Variants in MTHFD2L observed in about 807,000 individuals in gnomAD.
The protein encoded by MTHFD2L is methylenetetrahydrofolate dehydrogenase (NADP+ dependent) 2 like.
Under a neutral mutation model 34.9 loss-of-function variants are expected in MTHFD2L, and 29 were observed. The ratio of observed to expected loss-of-function variants is 0.83; its 90% CI spans 0.62 to 1.13. MTHFD2L has a LOEUF of 1.13. Ranked by LOEUF, MTHFD2L falls within the 50% of genes most tolerant of loss-of-function variation. The pLI is 0.00. For missense variants in MTHFD2L, 481 were observed against 446.5 expected (o/e 1.08, Z -0.70); for synonymous variants, 167 against 155.7 (o/e 1.07, Z -0.54).
chr4:74,187,733 TACACACACACACACACACACAC>T (rs35175417), intron 3 of MTHFD2L, among the ~76,000 whole-genome samples: 1 of 134,224 alleles, frequency 7.5e-6, no homozygotes, highest in Non-Finnish European at 1.6e-5. Context: ...AAACGTTAAA[TACACACACACACACACACACAC>T]ACACACACAC....
intron 1 of MTHFD2L, among the ~76,000 whole-genome samples, chr4:74,135,107 C>A (rs1427088809): frequency 6.6e-6 from 1 of 151,890 alleles, no homozygotes; most frequent in Non-Finnish European, 1.5e-5. Flanking sequence ...TATTCAGGTA[C>A]AGGAAGGCCT....
At chr4:74,178,240 A>C (rs989026288) in intron 3 of MTHFD2L, among the ~76,000 whole-genome samples, 1 of 152,076 alleles carries the variant, frequency 6.6e-6, no homozygotes, top group African/African-American at 2.4e-5. Flanking sequence ...TAGATTTTAA[A>C]TGTTCTCACC....
chr4:74,139,248 C>T (rs1311944115), intron 1 of MTHFD2L, among the ~76,000 whole-genome samples: 1 of 152,088 alleles, frequency 6.6e-6, no homozygotes, highest in Non-Finnish European at 1.5e-5. Context: ...TGGGAAGGTC[C>T]CAAAGGTGAT....
At chr4:74,204,240 A>G (rs1734934853) in intron 5 of MTHFD2L, among the ~76,000 whole-genome samples, 1 of 150,482 alleles carries the variant, frequency 6.6e-6, no homozygotes, top group South Asian at 2.1e-4. Context: ...CCTCATCTCT[A>G]AAATGACAAT....
chr4:74,149,773 G>T (rs908975476), intron 1 of MTHFD2L, among the ~76,000 whole-genome samples: 1 of 152,146 alleles, frequency 6.6e-6, no homozygotes, highest in East Asian at 1.9e-4. Context: ...ATTTGCAAGG[G>T]TGTTATGTGT....
chr4:74,161,425 C>T (rs1725437831), intron 1 of MTHFD2L: 1 of 152,158 alleles, frequency 6.6e-6, no homozygotes, highest in South Asian at 2.1e-4. Context: ...GGTAGTGTTC[C>T]TACCTTCCTG....
intron 6 of MTHFD2L, among the ~76,000 whole-genome samples, chr4:74,271,844 A>C (rs930862484): frequency 6.6e-6 from 1 of 151,864 alleles, no homozygotes; most frequent in African/African-American, 2.4e-5. Context: ...CTTTTATTTC[A>C]TTGAGCAGTG....
intron 6 of MTHFD2L, among the ~76,000 whole-genome samples, chr4:74,238,937 A>G (rs541071400): frequency 1.9e-4 from 29 of 152,332 alleles, no homozygotes; most frequent in African/African-American, 7.0e-4. Context: ...TGGTTCCTCA[A>G]GGATCTAGAA....
upstream of MTHFD2L, among the ~76,000 whole-genome samples, chr4:74,119,303 C>T (rs1278534557): frequency 6.6e-6 from 1 of 152,178 alleles, no homozygotes; most frequent in Non-Finnish European, 1.5e-5. Flanking sequence ...TTATTTGTCA[C>T]TTCCATCCGC....
rs191529765 is a variant in MTHFD2L at position 74,284,956 on chromosome 4, T to A, written c.931+3406T>A. On this transcript the variant is annotated intron_variant, in intron 7 of 7. Coordinates refer to ENST00000325278, the MANE Select transcript of MTHFD2L (RefSeq NM_001144978.3). Reference sequence around the variant, plus strand: ...GAACCAACCCAAATGTCCATCAATGTTAGACTGGATTAAGAAAATGTGGCA... The same window carrying A: ...GAACCAACCCAAATGTCCATCAATGATAGACTGGATTAAGAAAATGTGGCA... Among the ~76,000 whole-genome samples the A allele has an allele frequency of 4.3e-4, 66 of 152,134 alleles. No individual in the cohort carries two copies. The East Asian group carries it at 8.1e-3, about 19-fold the overall frequency.
At chr4:74,263,574 A>G (rs1246674800) in intron 6 of MTHFD2L, among the ~76,000 whole-genome samples, 2 of 151,612 alleles carry the variant, frequency 1.3e-5, no homozygotes, top group Admixed American at 1.3e-4. Context: ...GAGGTATTAT[A>G]TTTTACTCTT....
chr4:74,198,024 G>T lies in MTHFD2L; in HGVS notation c.452-1770G>T, dbSNP rs188955149. Reference sequence around the variant, plus strand: ...GGAGCTCTTTTCCTTTTAGATTCAGGTTTTATGAATCTGCTATACATTTTG... The same window carrying T: ...GGAGCTCTTTTCCTTTTAGATTCAGTTTTTATGAATCTGCTATACATTTTG... On this transcript the variant is annotated intron_variant, in intron 3 of 7. Transcript: ENST00000325278. Among the ~76,000 whole-genome samples the T allele has an allele frequency of 1.1e-4, 16 of 152,082 alleles. No homozygotes were observed. In the East Asian group the frequency reaches 2.9e-3, roughly 28 times the overall value.
chr4:74,282,387 CTTTG>C, intron 7 of MTHFD2L, among the ~76,000 whole-genome samples: 1 of 146,500 alleles, frequency 6.8e-6, no homozygotes, highest in African/African-American at 2.8e-5. Flanking sequence ...ACATCAAGAA[CTTTG>C]TTAGTTATAG....
At chr4:74,168,007 C>T (rs952322450) in intron 1 of MTHFD2L, among the ~76,000 whole-genome samples, 1 of 151,702 alleles carries the variant, frequency 6.6e-6, no homozygotes, top group African/African-American at 2.4e-5. Context: ...CATGGCTACC[C>T]CTTTGCCTAA....
At chr4:74,258,385 A>T (rs1265196285) in intron 6 of MTHFD2L, among the ~76,000 whole-genome samples, 1 of 151,070 alleles carries the variant, frequency 6.6e-6, no homozygotes, top group Non-Finnish European at 1.5e-5. Context: ...GAAGATAGGC[A>T]CATAACACAC....
chr4:74,260,379 T>TG (rs1449229067), intron 6 of MTHFD2L, among the ~76,000 whole-genome samples: 3 of 152,140 alleles, frequency 2.0e-5, no homozygotes, highest in Admixed American at 2.0e-4. Flanking sequence ...ACCTACTTGA[T>TG]GGTCTTGTCT....
chr4:74,152,344 T>C (rs1723994555), intron 1 of MTHFD2L, among the ~76,000 whole-genome samples: 1 of 152,152 alleles, frequency 6.6e-6, no homozygotes, highest in Non-Finnish European at 1.5e-5. Flanking sequence ...TTTCCATTTC[T>C]GTCTGTTTTG....
intron 1 of MTHFD2L, among the ~76,000 whole-genome samples, chr4:74,146,272 T>A (rs571767370): frequency 2.1e-4 from 32 of 152,316 alleles, no homozygotes; most frequent in African/African-American, 7.7e-4. Context: ...TAAGATATTA[T>A]CAGACAAGAT....
chr4:74,121,359 T>A (rs1179943248), upstream of MTHFD2L, among the ~76,000 whole-genome samples: 1 of 151,970 alleles, frequency 6.6e-6, no homozygotes, highest in Non-Finnish European at 1.5e-5. Flanking sequence ...TATCCTGAGA[T>A]TGCCACAAAA....
Sources: gnomAD v4.1 joint callset for allele counts (sites outside exome capture counted in the v4.1 genomes callset) on GRCh38, gnomAD v4.1.1 for gene constraint, MANE v1.5 for transcripts, NCBI Gene and HGNC (gene_info 2026-07-23, HGNC 2026-07-21) for gene names.